The following SLC23A2 variants were observed in gnomAD, a reference collection of about 807,000 sequenced individuals.
SLC23A2 encodes the protein solute carrier family 23 member 2.
In SLC23A2, 36 loss-of-function variants were observed where a neutral mutation model predicts 73.3. The observed-to-expected ratio is 0.49, with a 90% CI of 0.38 to 0.65. The LOEUF (loss-of-function observed/expected upper bound fraction) is 0.65, where lower values mean the gene tolerates loss of function less well. Ranked by LOEUF, SLC23A2 falls within the 30% of genes least tolerant of loss-of-function variation. The probability of loss-of-function intolerance (pLI) is 0.00; values close to 1 mark genes in which losing one functional copy is unlikely to be tolerated. For synonymous variants in SLC23A2, 343 were observed against 327.3 expected, an observed-to-expected ratio of 1.05 and a Z score of -0.52; for missense variants, 507 against 841.6, an observed-to-expected ratio of 0.60 and a Z score of 4.92.
chr20:4,918,915 C>T (rs1008405977), intron 3 of SLC23A2, among the ~76,000 whole-genome samples: 1 of 152,100 alleles, frequency 6.6e-6, no homozygotes, highest in African/African-American at 2.4e-5. Flanking sequence ...TATTAATCCC[C>T]CTCCTCAATG....
chr20:5,007,654 T>C (rs1480354359), intron 1 of SLC23A2, among the ~76,000 whole-genome samples: 1 of 152,104 alleles, frequency 6.6e-6, no homozygotes, highest in Non-Finnish European at 1.5e-5. Flanking sequence ...TAAAAGAAAC[T>C]CCATATCTAT....
At chr20:4,912,299 A>G (rs572563031) in intron 4 of SLC23A2, among the ~76,000 whole-genome samples, 1 of 152,198 alleles carries the variant, frequency 6.6e-6, no homozygotes, top group South Asian at 2.1e-4. Context: ...TTGGCACACT[A>G]AGGTGCCAAA....
intron 1 of SLC23A2, among the ~76,000 whole-genome samples, chr20:4,990,615 C>T (rs578179747): frequency 6.9e-6 from 1 of 145,210 alleles, no homozygotes; most frequent in South Asian, 2.3e-4. Context: ...TCAGGTGATC[C>T]ACCCACCTCG....
At chr20:4,885,757 C>G in intron 7 of SLC23A2, 64 bp downstream of exon 7, 1 of 1,174,470 alleles carries the variant, frequency 8.5e-7, no homozygotes, top group African/African-American at 1.5e-5. Context: ...GCAGCACGTC[C>G]AGGCCTCCCT....
intron 1 of SLC23A2, among the ~76,000 whole-genome samples, chr20:4,983,822 GGT>G (rs1345672912): frequency 2.6e-5 from 4 of 151,452 alleles, no homozygotes; most frequent in Admixed American, 2.6e-4. Flanking sequence ...CAGGCGTGGT[GGT>G]GCATGCCTGT....
chr20:4,911,291 T>C (rs1432702129), intron 4 of SLC23A2, among the ~76,000 whole-genome samples: 2 of 152,158 alleles, frequency 1.3e-5, no homozygotes, highest in Non-Finnish European at 1.5e-5. Context: ...TCTACTTTAA[T>C]TAACCTCCAT....
rs574874413 is a variant in SLC23A2 at position 4,885,211 on chromosome 20, A to G, written c.572-388T>C. On this transcript the variant is annotated intron_variant, in intron 7 of 16. Coordinates refer to ENST00000338244, the MANE Select transcript of SLC23A2 (RefSeq NM_005116.6). ...CCTTTTCCAGTTCCCAGATCAAATC[A>G]GTGGTCACAAAGTAACTCCTAGGAG... is the stretch of plus-strand genomic sequence containing the variant. Among the ~76,000 whole-genome samples the G allele has an allele frequency of 4.6e-4, 70 of 152,356 alleles. 1 individual carries two copies. In the East Asian group the frequency reaches 8.9e-3, roughly 19 times the overall value.
intron 6 of SLC23A2, among the ~76,000 whole-genome samples, chr20:4,891,092 C>T (rs1013330395): frequency 6.6e-6 from 1 of 152,028 alleles, no homozygotes; most frequent in African/African-American, 2.4e-5. Flanking sequence ...GTACTGTTCA[C>T]TCCTGTGTAG....
At chr20:4,884,910 CCT>C in intron 7 of SLC23A2, 87 bp from the exon 8 acceptor site, 6 of 767,828 alleles carry the variant, frequency 7.8e-6, no homozygotes, top group Non-Finnish European at 1.3e-5. Flanking sequence ...GAATTTTCTC[CCT>C]GTTTTTATTA....
chr20:4,976,997 C>A (rs1404484178), intron 1 of SLC23A2, among the ~76,000 whole-genome samples: 1 of 151,884 alleles, frequency 6.6e-6, no homozygotes, highest in Non-Finnish European at 1.5e-5. Flanking sequence ...AACAAAAATG[C>A]ATATCCAATG....
At chr20:4,915,814 G>A (rs1229114325) in intron 3 of SLC23A2, among the ~76,000 whole-genome samples, 1 of 152,142 alleles carries the variant, frequency 6.6e-6, no homozygotes, top group Non-Finnish European at 1.5e-5. Flanking sequence ...TGGGCGTGGT[G>A]ATGGGCGCCT....
intron 2 of SLC23A2, among the ~76,000 whole-genome samples, chr20:4,936,912 G>A (rs1026304295): frequency 4.6e-5 from 7 of 152,160 alleles, no homozygotes; most frequent in Non-Finnish European, 8.8e-5. Flanking sequence ...CTCATACAGC[G>A]CAGAGCAGTG....
intron 2 of SLC23A2, among the ~76,000 whole-genome samples, chr20:4,933,130 G>A (rs1323384218): frequency 6.6e-6 from 1 of 152,182 alleles, no homozygotes; most frequent in African/African-American, 2.4e-5. Flanking sequence ...TAGTGCAAAT[G>A]AGTAACTGAA....
At chr20:4,942,725 T>C (rs956014885) in intron 2 of SLC23A2, among the ~76,000 whole-genome samples, 27 of 152,240 alleles carry the variant, frequency 1.8e-4, no homozygotes, top group Admixed American at 5.9e-4. Flanking sequence ...GTGATGGCAC[T>C]GTCCAGAAGT....
chr20:5,009,878 G>A (rs1205384859), intron 1 of SLC23A2, among the ~76,000 whole-genome samples: 5 of 151,670 alleles, frequency 3.3e-5, no homozygotes, highest in African/African-American at 1.2e-4. Flanking sequence ...GGCGGATCAT[G>A]AGGTCAGGAG....
At chr20:4,948,564 A>C (rs553120147) in intron 2 of SLC23A2, among the ~76,000 whole-genome samples, 10 of 152,298 alleles carry the variant, frequency 6.6e-5, no homozygotes, top group Non-Finnish European at 8.8e-5. Flanking sequence ...GGGTTTGCCT[A>C]AACTGCACTG....
chr20:4,996,103 A>T (rs919622166), intron 1 of SLC23A2, among the ~76,000 whole-genome samples: 1 of 152,158 alleles, frequency 6.6e-6, no homozygotes, highest in African/African-American at 2.4e-5. Flanking sequence ...ATAATAACCT[A>T]AAGTGCCCAA....
At chr20:4,893,209 G>A (rs1931396416) in intron 6 of SLC23A2, among the ~76,000 whole-genome samples, 1 of 151,880 alleles carries the variant, frequency 6.6e-6, no homozygotes, top group South Asian at 2.1e-4. Context: ...GACCACAGGT[G>A]CACGCCACCA....
intron 16 of SLC23A2, 45 bp downstream of exon 16, chr20:4,859,244 T>TAAAAAAAAAAAA (rs66936551): frequency 9.0e-7 from 1 of 1,115,498 alleles, no homozygotes; most frequent in Non-Finnish European, 1.3e-6. Context: ...ACACATATGT[T>TAAAAAAAAAAAA]AAAAAATAAA....
Sources: gnomAD v4.1 joint callset for allele counts (sites outside exome capture counted in the v4.1 genomes callset) on GRCh38, gnomAD v4.1.1 for gene constraint, MANE v1.5 for transcripts, NCBI Gene and HGNC (gene_info 2026-07-23, HGNC 2026-07-21) for gene names.